KRT35: variants seen among roughly 807,000 people sequenced by gnomAD.
KRT35 encodes the protein keratin 35, also known as keratin, type I cuticular Ha5.
In KRT35, 33 loss-of-function variants were observed where a neutral mutation model predicts 42.2. The observed-to-expected ratio is 0.78, with a 90% CI of 0.59 to 1.05. KRT35 has a LOEUF of 1.05. Among genes scored for constraint, KRT35 ranks in the 50% least tolerant of loss-of-function variants. The probability of loss-of-function intolerance (pLI) is 0.00; values close to 1 mark genes in which losing one functional copy is unlikely to be tolerated. For missense variants in KRT35, 585 were observed against 589.2 expected (o/e 0.99, Z 0.07); for synonymous variants, 218 against 238.2 (o/e 0.92, Z 0.78).
rs763809681 is a variant in KRT35 at position 41,480,961 on chromosome 17, G to A, written c.137C>T (p.Ala46Val). 6.2e-7 allele frequency: 1 copy of A among 1,614,142 alleles called. No homozygotes were observed. The highest frequency in any genetic ancestry group is 2.2e-5 in the East Asian group (1 of 44,878). Residue 46 changes from alanine to valine, a missense_variant, in exon 1 of 7, where the codon GCC (alanine) becomes GTC (valine). By Grantham distance (64) the Ala-to-Val change is moderately conservative. Transcript: ENST00000246639. ...CACTGAGCAGGCAGAGAAACTTCTGGCCACAGGGGAGAGACTTGGAAGCTT... is the reference window on the plus strand; with the variant it reads ...CACTGAGCAGGCAGAGAAACTTCTGACCACAGGGGAGAGACTTGGAAGCTT... ...SCKLPSLSPV[A>V]RSFSACSVGL...
In KRT35 at chr17:41,479,400, G is replaced by A; in HGVS notation, c.658C>T (p.Gln220Ter). Residue 220 changes from glutamine to a stop codon, truncating the protein, a stop_gained, in exon 3 of 7, where the codon CAG (glutamine) becomes TAG (stop). Coordinates refer to ENST00000246639, the MANE Select transcript of KRT35 (RefSeq NM_002280.6). LOFTEE classifies it high-confidence loss of function. ...LTLCKSDLEAQVESLKEELLC... is the reference protein window; with the variant it reads ...LTLCKSDLEA ...AGCTCCTCCTTCAGGGACTCCACCT[G>A]GGCCTCCAGGTCAGACTTGCACAGG... 1.2e-6 allele frequency: 2 copies of A among 1,614,068 alleles called. No individual in the cohort carries two copies. Among genetic ancestry groups the A allele is most frequent in the Non-Finnish European group, 1.7e-6 (2 of 1,179,984 alleles).
In KRT35 at chr17:41,477,147, C is replaced by A; in HGVS notation, c.1277G>T (p.Cys426Phe). The A allele has an allele frequency of 6.2e-7, 1 of 1,613,726 alleles. No homozygotes were observed. Among genetic ancestry groups the A allele is most frequent in the Non-Finnish European group, 8.5e-7 (1 of 1,179,800 alleles). The change falls in exon 7 of 7, where the codon TGT becomes TTT. Residue 426 changes from cysteine to phenylalanine, a missense_variant. Physicochemically the swap from Cys to Phe is radical, Grantham distance 205. Transcript: ENST00000246639. ...DYSPSKSCLPCLPAASCGPSA... is the reference protein window; with the variant it reads ...DYSPSKSCLPFLPAASCGPSA... ...AGGACCGCAGGAGGCCGCAGGAAGA[C>A]AGGGAAGGCATGACTTGGAGGGTGA...
Position 41,477,032 on chromosome 17 carries a change from C to T in KRT35, c.*24G>A. 6.5e-7 allele frequency: 1 copy of T among 1,538,832 alleles called. No individual in the cohort carries two copies. Among genetic ancestry groups the T allele is most frequent in the Non-Finnish European group, 8.7e-7 (1 of 1,149,168 alleles). ...AAGTTCAAGCCCTGGAGACAATAGC[C>T]ATGGCCATCTGGGTCACCCGCTCTC... On this transcript the variant is annotated 3_prime_UTR_variant, in exon 7 of 7. Coordinates refer to ENST00000246639, the MANE Select transcript of KRT35 (RefSeq NM_002280.6).
chr17:41,479,675 C>T (rs1303435304), intron 2 of KRT35, 24 bp downstream of exon 2: 2 of 1,610,012 alleles, frequency 1.2e-6, no homozygotes, highest in Non-Finnish European at 1.7e-6. Context: ...AGCCCCCAAC[C>T]ACATGACAAG....
In KRT35 at chr17:41,480,969, G is replaced by A. The variant is rs371550228; in HGVS notation, c.129C>T (p.Ser43=). The change falls in exon 1 of 7, where the codon TCC becomes TCT. Residue 43 remains serine, a synonymous_variant. Coordinates refer to ENST00000246639, the MANE Select transcript of KRT35 (RefSeq NM_002280.6). ...SSSSCKLPSL[S]PVARSFSACS... is the part of the protein sequence containing the mutation. Reference sequence around the variant, plus strand: ...AGGCAGAGAAACTTCTGGCCACAGGGGAGAGACTTGGAAGCTTGCAAGAGC... The same window carrying A: ...AGGCAGAGAAACTTCTGGCCACAGGAGAGAGACTTGGAAGCTTGCAAGAGC... 114 of 1,614,180 alleles carry A rather than the reference G, an allele frequency of 7.1e-5. No individual in the cohort carries two copies. In the African/African-American group the frequency reaches 1.3e-3, roughly 18 times the overall value.
intron 6 of KRT35, 131 bp downstream of exon 6, chr17:41,477,387 T>A: frequency 7.2e-7 from 1 of 1,392,914 alleles, no homozygotes; most frequent in Non-Finnish European, 9.7e-7. Context: ...GTGATGAGTT[T>A]TCAGGAAGAC....
chr17:41,478,711 CT>C, intron 4 of KRT35, 122 bp downstream of exon 4: 1 of 1,194,642 alleles, frequency 8.4e-7, no homozygotes, highest in Non-Finnish European at 1.2e-6. Context: ...CTGTTTTGAC[CT>C]TGTCAGCAAG....
intron 5 of KRT35, 74 bp downstream of exon 5, chr17:41,478,287 A>C: frequency 6.5e-7 from 1 of 1,548,596 alleles, no homozygotes; most frequent in Non-Finnish European, 8.8e-7. Context: ...TGTGTGGTCA[A>C]AGCATGGAAG....
rs770048800 is a variant in KRT35 at position 41,480,682 on chromosome 17, T to C, written c.416A>G (p.Tyr139Cys). 2 of 1,614,196 alleles carry C rather than the reference T, an allele frequency of 1.2e-6. No homozygotes were observed. The highest frequency in any genetic ancestry group is 2.2e-5 in the East Asian group (1 of 44,878). The stretch of plus-strand genomic sequence containing the variant: ...GTAGGACTGGTAGTCAGGGCACATG[T>C]AGGGGACCTGCTGCTCACACCACTC... ...IREWCEQQVP[Y>C]MCPDYQSYFR... The change falls in exon 1 of 7, where the codon TAC (tyrosine) becomes TGC (cysteine). Residue 139 changes from tyrosine (Y) to cysteine (C), a missense_variant. Coordinates refer to ENST00000246639, the MANE Select transcript of KRT35 (RefSeq NM_002280.6).
In KRT35 at chr17:41,480,970, G is replaced by A. The variant is rs375205375; in HGVS notation, c.128C>T (p.Ser43Phe). 26 of 1,614,054 alleles carry A rather than the reference G, an allele frequency of 1.6e-5. No individual in the cohort carries two copies. Among genetic ancestry groups the A allele is most frequent in the Middle Eastern group, 1.6e-4 (1 of 6,084 alleles). Reference sequence around the variant, plus strand: ...GGCAGAGAAACTTCTGGCCACAGGGGAGAGACTTGGAAGCTTGCAAGAGCT... The same window carrying A: ...GGCAGAGAAACTTCTGGCCACAGGGAAGAGACTTGGAAGCTTGCAAGAGCT... ...SSSSCKLPSL[S>F]PVARSFSACS... Residue 43 changes from serine to phenylalanine, a missense_variant, in exon 1 of 7, where the codon TCC becomes TTC. Coordinates refer to ENST00000246639, the MANE Select transcript of KRT35 (RefSeq NM_002280.6).
In KRT35 at chr17:41,477,155, G is replaced by C; in HGVS notation, c.1269C>G (p.Cys423Trp). The change falls in exon 7 of 7, where the codon TGC (cysteine) becomes TGG (tryptophan). Residue 423 changes from cysteine (C) to tryptophan (W), a missense_variant. Physicochemically the swap from Cys to Trp is radical, Grantham distance 215 (BLOSUM62 -2). Coordinates refer to ENST00000246639, the MANE Select transcript of KRT35 (RefSeq NM_002280.6). ...AGGAGGCCGCAGGAAGACAGGGAAG[G>C]CATGACTTGGAGGGTGAGTAGTCAG... Reference protein sequence around the residue: ...CAPDYSPSKSCLPCLPAASCG... With the variant: ...CAPDYSPSKSWLPCLPAASCG... 6.2e-7 allele frequency: 1 copy of C among 1,613,796 alleles called. No individual in the cohort carries two copies. The highest frequency in any genetic ancestry group is 8.5e-7 in the Non-Finnish European group (1 of 1,179,802).
Position 41,477,598 on chromosome 17 carries a change from G to T in KRT35, c.1140C>A (p.Tyr380Ter). The T allele has an allele frequency of 6.2e-7, 1 of 1,614,228 alleles. No individual in the cohort carries two copies. The highest frequency in any genetic ancestry group is 1.1e-5 in the South Asian group (1 of 91,082). ...RADLERQNQE[Y>*]QVLLDVRARL... ...GGGCCCGGACGTCCAGCAGCACCTGGTACTCCTGGTTCTGCCGCTCCAGGT... is the reference window on the plus strand; with the variant it reads ...GGGCCCGGACGTCCAGCAGCACCTGTTACTCCTGGTTCTGCCGCTCCAGGT... The change falls in exon 6 of 7, where the codon TAC becomes TAA. Residue 380 changes from tyrosine (Y) to a stop codon, truncating the protein, a stop_gained. Transcript: ENST00000246639. LOFTEE classifies it high-confidence loss of function.
At chr17:41,479,224 C>T in intron 3 of KRT35, 123 bp downstream of exon 3, 1 of 1,171,834 alleles carries the variant, frequency 8.5e-7, no homozygotes, top group Non-Finnish European at 1.2e-6. Context: ...CTATGCACAC[C>T]TGCTCCCTCA....
chr17:41,480,624 T>C lies in KRT35; in HGVS notation c.471+3A>G. On this transcript the variant is annotated splice_donor_region_variant and intron_variant, in intron 1 of 6. Coordinates refer to ENST00000246639, the MANE Select transcript of KRT35 (RefSeq NM_002280.6). ...GAATCCAAAGCCACTCTGAACCTCTTACCTTCTTCTGGAGCTCCTCGATGG... is the reference window on the plus strand; with the variant it reads ...GAATCCAAAGCCACTCTGAACCTCTCACCTTCTTCTGGAGCTCCTCGATGG... 3 of 1,610,680 alleles carry C rather than the reference T, an allele frequency of 1.9e-6. No individual in the cohort carries two copies. The highest frequency in any genetic ancestry group is 2.5e-6 in the Non-Finnish European group (3 of 1,177,056).
intron 1 of KRT35, 131 bp downstream of exon 1, chr17:41,480,496 G>A (rs2019236623): frequency 1.4e-6 from 1 of 695,388 alleles, no homozygotes; most frequent in African/African-American, 1.8e-5. Flanking sequence ...TAAGGTTATT[G>A]GGAGGAGCAA....
At chr17:41,478,555 G>C in intron 4 of KRT35, 69 bp from the exon 5 acceptor site, 3 of 1,544,384 alleles carry the variant, frequency 1.9e-6, no homozygotes, top group Non-Finnish European at 2.6e-6. Flanking sequence ...TACAGAGGCC[G>C]GTTAGAATCA....
At position 41,478,843 on chromosome 17, in the gene KRT35, C is replaced by T. The variant is rs568730577; in HGVS notation, c.864G>A (p.Leu288=). Residue 288 remains leucine, a synonymous_variant, in exon 4 of 7, where the codon TTG becomes TTA. Coordinates refer to ENST00000246639, the MANE Select transcript of KRT35 (RefSeq NM_002280.6). ...GTTTCCAGGTACCTACCTGGGTGTCCAACCAGTCTTCAGCATCCCGGCGGT... is the reference window on the plus strand; with the variant it reads ...GTTTCCAGGTACCTACCTGGGTGTCTAACCAGTCTTCAGCATCCCGGCGGT... ...ENNRRDAEDW[L]DTQSEELNQQ... is the part of the protein sequence containing the mutation. The T allele has an allele frequency of 5.5e-5, 88 of 1,613,020 alleles. No homozygotes were observed. The East Asian group carries it at 1.1e-3, about 20-fold the overall frequency.
intron 4 of KRT35, 70 bp downstream of exon 4, chr17:41,478,759 GATTCA>G: frequency 7.0e-7 from 1 of 1,432,082 alleles, no homozygotes; most frequent in Non-Finnish European, 9.5e-7. Context: ...TAGATTTCTT[GATTCA>G]GAGCCCCAGG....
rs2019189846 is a variant in KRT35, at chr17:41,477,537, G to T, written c.1201C>A (p.Leu401Met). The change falls in exon 6 of 7, where the codon CTG becomes ATG. Residue 401 changes from leucine to methionine, a missense_variant. By Grantham distance (15) the Leu-to-Met change is conservative (BLOSUM62 2). Coordinates refer to ENST00000246639, the MANE Select transcript of KRT35 (RefSeq NM_002280.6). ...ECEINTYRGL[L>M]ESEDSKLPCN... ...ACTCACTTGCTGTCCTCACTCTCCA[G>T]CAGGCCCCGGTACGTGTTGATCTCA... 1 of 1,613,402 alleles carries T rather than the reference G, an allele frequency of 6.2e-7. No individual in the cohort carries two copies. The highest frequency in any genetic ancestry group is 1.3e-5 in the African/African-American group (1 of 74,892).
Sources: gnomAD v4.1 joint callset for allele counts on GRCh38, gnomAD v4.1.1 for gene constraint, MANE v1.5 for transcripts, NCBI Gene and HGNC (gene_info 2026-07-23, HGNC 2026-07-21) for gene names.